The following KLF12 variants were observed in gnomAD, a reference collection of about 807,000 sequenced individuals.
The protein encoded by KLF12 is Krueppel-like factor 12.
Under a neutral mutation model 37.8 loss-of-function variants are expected in KLF12, and 9 were observed. The observed-to-expected ratio is 0.24, with a 90% CI of 0.14 to 0.42. KLF12 has a LOEUF of 0.42. Ranked by LOEUF, KLF12 falls within the 10% of genes least tolerant of loss-of-function variation. KLF12 has a pLI of 1.00. For synonymous variants in KLF12, 208 were observed against 202.1 expected, an observed-to-expected ratio of 1.03 and a Z score of -0.25; for missense variants, 411 against 516.0, an observed-to-expected ratio of 0.80 and a Z score of 1.97.
intron 3 of KLF12, among the ~76,000 whole-genome samples, chr13:73,849,525 T>TA (rs1388342174): frequency 6.6e-6 from 1 of 151,148 alleles, no homozygotes; most frequent in Non-Finnish European, 1.5e-5. Flanking sequence ...AAGTAAGAAA[T>TA]ACTTAGAATA....
chr13:74,178,475 G>A, the KLF12 span, among the ~76,000 whole-genome samples: 1 of 152,124 alleles, frequency 6.6e-6, no homozygotes, highest in African/African-American at 2.4e-5. Context: ...AGAAAAGAGA[G>A]GTGACTCTGT....
intron 5 of KLF12, among the ~76,000 whole-genome samples, chr13:73,783,506 A>G (rs1294698702): frequency 6.6e-6 from 1 of 152,168 alleles, no homozygotes; most frequent in East Asian, 1.9e-4. Flanking sequence ...AAGAAATGAT[A>G]AACGTTTGAG....
intron 3 of KLF12, among the ~76,000 whole-genome samples, chr13:73,887,200 T>C (rs972412308): frequency 2.0e-5 from 3 of 152,146 alleles, no homozygotes; most frequent in Non-Finnish European, 2.9e-5. Context: ...TAGTCTAATC[T>C]AAATAAATTG....
At chr13:74,302,006 T>C in the KLF12 span, among the ~76,000 whole-genome samples, 11 of 152,176 alleles carry the variant, frequency 7.2e-5, no homozygotes, top group Admixed American at 3.3e-4. Context: ...TTCATTTCAA[T>C]GACAAATAAC....
chr13:73,909,266 G>A (rs973675820), intron 3 of KLF12, among the ~76,000 whole-genome samples: 2 of 152,176 alleles, frequency 1.3e-5, no homozygotes, highest in African/African-American at 2.4e-5. Flanking sequence ...CGAGCATAAA[G>A]CACTTGTCAG....
the KLF12 span, among the ~76,000 whole-genome samples, chr13:74,293,281 A>T: frequency 6.6e-6 from 1 of 152,130 alleles, no homozygotes; most frequent in African/African-American, 2.4e-5. Context: ...CTGGGTGAAG[A>T]TTTTTAGCTG....
chr13:73,952,897 G>A (rs542307931), intron 2 of KLF12, among the ~76,000 whole-genome samples: 20 of 152,198 alleles, frequency 1.3e-4, no homozygotes, highest in Non-Finnish European at 2.6e-4. Flanking sequence ...CAGGACATGG[G>A]AAGAGGTGGT....
intron 5 of KLF12, among the ~76,000 whole-genome samples, chr13:73,774,458 C>A (rs1052632285): frequency 6.6e-6 from 1 of 152,094 alleles, no homozygotes; most frequent in African/African-American, 2.4e-5. Flanking sequence ...GGAACCATCC[C>A]AAGCCAGAAT....
chr13:73,825,346 G>A (rs868293138), intron 4 of KLF12, among the ~76,000 whole-genome samples: 4 of 152,210 alleles, frequency 2.6e-5, no homozygotes, highest in Middle Eastern at 6.8e-3. Flanking sequence ...CAGTATCTCC[G>A]GAAATGACTC....
chr13:74,189,570 A>T, the KLF12 span, among the ~76,000 whole-genome samples: 1 of 152,194 alleles, frequency 6.6e-6, no homozygotes, highest in Non-Finnish European at 1.5e-5. Context: ...CTTTCGGAAT[A>T]GGTAATATAG....
At chr13:73,844,829 T>C (rs1216147349) in intron 4 of KLF12, 1 of 152,188 alleles carries the variant, frequency 6.6e-6, no homozygotes, top group East Asian at 1.9e-4. Flanking sequence ...AAGCAAAAAG[T>C]AATACAACAT....
chr13:73,868,240 A>G (rs1158278204), intron 3 of KLF12, among the ~76,000 whole-genome samples: 1 of 117,178 alleles, frequency 8.5e-6, no homozygotes, highest in Non-Finnish European at 1.6e-5. Context: ...TGAACCCAGG[A>G]GGTGCAGGTT....
chr13:74,108,491 A>G (rs1252201707), intron 1 of KLF12, among the ~76,000 whole-genome samples: 1 of 152,168 alleles, frequency 6.6e-6, no homozygotes, highest in Non-Finnish European at 1.5e-5. Flanking sequence ...CATACAGTTG[A>G]CCTTTGAATG....
intron 3 of KLF12, among the ~76,000 whole-genome samples, chr13:73,846,709 A>G (rs1448426336): frequency 6.6e-6 from 1 of 152,206 alleles, no homozygotes; most frequent in East Asian, 1.9e-4. Context: ...CACTATCACA[A>G]TACGGAAACA....
In KLF12 at chr13:73,715,288, A is replaced by T. The variant is rs561355636; in HGVS notation, c.1027+80T>A. On this transcript the variant is annotated intron_variant, in intron 7 of 7. Transcript: ENST00000377669. ...TGAGAGGTACACAGGATGAATGAGT[A>T]CGAAAGGCTCCCGAGGTAAGTGGCC... 235 of 1,276,492 alleles carry T rather than the reference A, an allele frequency of 1.8e-4. 1 individual carries two copies. Among genetic ancestry groups the T allele is most frequent in the Non-Finnish European group, 2.5e-4 (228 of 908,826 alleles). 79.1% of individuals were successfully genotyped at this position (1,276,492 alleles called of 1,614,324 possible).
chr13:73,929,476 C>T (rs370167132), intron 3 of KLF12, among the ~76,000 whole-genome samples: 12 of 152,114 alleles, frequency 7.9e-5, no homozygotes, highest in African/African-American at 9.7e-5. Flanking sequence ...CACATCGTAT[C>T]GCATAGTCAT....
intron 1 of KLF12, among the ~76,000 whole-genome samples, chr13:74,057,273 G>A (rs1873297381): frequency 6.6e-6 from 1 of 152,150 alleles, no homozygotes; most frequent in African/African-American, 2.4e-5. Context: ...TGTGGGTGGA[G>A]ACAAAGTACA....
intron 1 of KLF12, among the ~76,000 whole-genome samples, chr13:74,072,406 T>TATATAA (rs1487459834): frequency 1.8e-4 from 21 of 119,712 alleles, no homozygotes; most frequent in African/African-American, 3.4e-4. Flanking sequence ...TATATATATA[T>TATATAA]AAAAGATTAT....
chr13:74,235,181 A>G, the KLF12 span, among the ~76,000 whole-genome samples: 2 of 152,202 alleles, frequency 1.3e-5, no homozygotes, highest in African/African-American at 2.4e-5. Context: ...GTAAGCAAAA[A>G]TTGGGCTTTG....
Sources: allele counts gnomAD v4.1 joint callset (sites outside exome capture counted in the v4.1 genomes callset), GRCh38; gene constraint gnomAD v4.1.1; transcripts MANE v1.5; gene names NCBI Gene and HGNC (gene_info 2026-07-23, HGNC 2026-07-21).